Variants in ANKS1B observed in about 807,000 individuals in gnomAD.
ANKS1B encodes the protein ankyrin repeat and sterile alpha motif domain-containing protein 1B.
ANKS1B carries 36 observed loss-of-function variants against 148.3 expected under a neutral mutation model. That is an observed-to-expected ratio of 0.24 (90% CI 0.19 to 0.32). ANKS1B has a LOEUF of 0.32. Among genes scored for constraint, ANKS1B ranks in the 10% least tolerant of loss-of-function variants. The pLI, the probability that ANKS1B is intolerant of heterozygous loss-of-function variation, is 1.00. For synonymous variants in ANKS1B, 542 were observed against 560.8 expected (o/e 0.97, Z 0.47); for missense variants, 1,157 against 1,542.6 (o/e 0.75, Z 4.19).
chr12:99,512,687 G>A (rs1387058498), intron 9 of ANKS1B, among the ~76,000 whole-genome samples: 1 of 152,122 alleles, frequency 6.6e-6, no homozygotes, highest in Admixed American at 6.5e-5. Context: ...TAAAGAAAAT[G>A]TGGTACATAT....
chr12:99,093,678 T>C (rs1448224293), intron 15 of ANKS1B: 1 of 152,100 alleles, frequency 6.6e-6, no homozygotes, highest in East Asian at 1.9e-4. Flanking sequence ...ATGGTGAAGG[T>C]GGATAATTTA....
chr12:99,918,188 T>A (rs745964362), intron 1 of ANKS1B, among the ~76,000 whole-genome samples: 4 of 152,218 alleles, frequency 2.6e-5, no homozygotes, highest in Non-Finnish European at 5.9e-5. Flanking sequence ...GTCAAACCAA[T>A]GATCATTACA....
intron 17 of ANKS1B, among the ~76,000 whole-genome samples, chr12:99,025,146 T>C (rs998754847): frequency 8.5e-5 from 13 of 152,192 alleles, no homozygotes; most frequent in Admixed American, 2.6e-4. Flanking sequence ...GTGCTGCACC[T>C]GATTAACCAT....
At chr12:99,708,008 T>C (rs983533021) in intron 8 of ANKS1B, among the ~76,000 whole-genome samples, 5 of 152,082 alleles carry the variant, frequency 3.3e-5, no homozygotes, top group African/African-American at 1.2e-4. Flanking sequence ...ATCAAAACTC[T>C]ATAAGCAATG....
intron 17 of ANKS1B, among the ~76,000 whole-genome samples, chr12:98,927,218 TA>T (rs928384782): frequency 3.3e-5 from 5 of 152,116 alleles, no homozygotes; most frequent in African/African-American, 4.8e-5. Flanking sequence ...AGGAATGACC[TA>T]TTCAAAGTGC....
chr12:99,891,890 G>C (rs2093130566), intron 1 of ANKS1B, among the ~76,000 whole-genome samples: 1 of 152,194 alleles, frequency 6.6e-6, no homozygotes, highest in Non-Finnish European at 1.5e-5. Context: ...ATCCAGAGGA[G>C]GTAGGGGAAT....
intron 4 of ANKS1B, among the ~76,000 whole-genome samples, chr12:99,785,181 C>T (rs555364928): frequency 8.0e-5 from 12 of 149,160 alleles, no homozygotes; most frequent in Non-Finnish European, 1.5e-4. Flanking sequence ...TTGAGCTACA[C>T]GAATGTTAGT....
intron 17 of ANKS1B, among the ~76,000 whole-genome samples, chr12:98,918,010 G>A (rs939112342): frequency 1.3e-5 from 2 of 152,198 alleles, no homozygotes; most frequent in Admixed American, 1.3e-4. Flanking sequence ...TAAGTAGAGA[G>A]GCTATTTATG....
intron 12 of ANKS1B, among the ~76,000 whole-genome samples, chr12:99,267,689 C>T (rs555865443): frequency 5.3e-5 from 8 of 152,230 alleles, no homozygotes; most frequent in South Asian, 4.1e-4. Flanking sequence ...ATAAAACATA[C>T]AACCAGACAT....
intron 12 of ANKS1B, among the ~76,000 whole-genome samples, chr12:99,344,670 A>C (rs1273500691): frequency 6.6e-6 from 1 of 152,048 alleles, no homozygotes; most frequent in Admixed American, 6.6e-5. Flanking sequence ...CTTTGTATCT[A>C]ATTTCCTTAG....
intron 9 of ANKS1B, among the ~76,000 whole-genome samples, chr12:99,620,452 A>C (rs1326287286): frequency 6.6e-6 from 1 of 152,228 alleles, no homozygotes; most frequent in Non-Finnish European, 1.5e-5. Flanking sequence ...AACAAAATCC[A>C]AAACAAAGTT....
downstream of ANKS1B, among the ~76,000 whole-genome samples, chr12:98,741,667 A>G (rs1378169173): frequency 6.6e-6 from 1 of 152,188 alleles, no homozygotes; most frequent in Middle Eastern, 3.2e-3. Context: ...ACGGCCCGCT[A>G]AAATGGGATT....
At chr12:99,686,013 G>A (rs2098647603) in intron 8 of ANKS1B, among the ~76,000 whole-genome samples, 1 of 152,042 alleles carries the variant, frequency 6.6e-6, no homozygotes, top group Non-Finnish European at 1.5e-5. Flanking sequence ...AAAAGACTAT[G>A]CATTGGGTAC....
At chr12:99,332,645 G>C (rs2087804750) in intron 12 of ANKS1B, among the ~76,000 whole-genome samples, 1 of 148,608 alleles carries the variant, frequency 6.7e-6, no homozygotes, top group Non-Finnish European at 1.5e-5. Context: ...GGTGATCAAG[G>C]TTTTTAGAAA....
chr12:99,381,411 C>A (rs1466264881), intron 12 of ANKS1B, among the ~76,000 whole-genome samples: 1 of 152,126 alleles, frequency 6.6e-6, no homozygotes, highest in African/African-American at 2.4e-5. Context: ...GATCATCCAA[C>A]GCACTGTGTA....
At chr12:99,921,677 C>T (rs954431614) in intron 1 of ANKS1B, among the ~76,000 whole-genome samples, 4 of 152,160 alleles carry the variant, frequency 2.6e-5, no homozygotes, top group Non-Finnish European at 5.9e-5. Context: ...AGAAAAAAAT[C>T]TGTTTTGGAG....
At chr12:99,565,785 A>T (rs1222370712) in intron 9 of ANKS1B, among the ~76,000 whole-genome samples, 1 of 152,198 alleles carries the variant, frequency 6.6e-6, no homozygotes, top group Non-Finnish European at 1.5e-5. Context: ...TTTCTGCTTC[A>T]ATAAATTTCT....
At chr12:98,978,175 T>C (rs948371186) in intron 17 of ANKS1B, among the ~76,000 whole-genome samples, 1 of 152,210 alleles carries the variant, frequency 6.6e-6, no homozygotes, top group African/African-American at 2.4e-5. Context: ...TTGATATGGT[T>C]GAATTTATGT....
chr12:99,441,963 A>G (rs2095556945), intron 11 of ANKS1B, among the ~76,000 whole-genome samples: 1 of 151,968 alleles, frequency 6.6e-6, no homozygotes, highest in South Asian at 2.1e-4. Context: ...ACATTAGAGA[A>G]TCTACATTGG....
Sources: gnomAD v4.1 joint callset for allele counts (sites outside exome capture counted in the v4.1 genomes callset) on GRCh38, gnomAD v4.1.1 for gene constraint, MANE v1.5 for transcripts, NCBI Gene and HGNC (gene_info 2026-07-23, HGNC 2026-07-21) for gene names.